DOCK11: variants seen among roughly 807,000 people sequenced by gnomAD.
DOCK11 encodes dedicator of cytokinesis 11.
A neutral mutation model predicts 169.1 loss-of-function variants in DOCK11; 70 were observed. The observed-to-expected ratio is 0.41, with a 90% confidence interval of 0.34 to 0.51. DOCK11 has a LOEUF of 0.51. DOCK11 is among the 20% of genes least tolerant of loss of function. The probability of loss-of-function intolerance (pLI) is 0.10; values close to 1 mark genes in which losing one functional copy is unlikely to be tolerated. For synonymous variants in DOCK11, 529 were observed against 541.3 expected, an observed-to-expected ratio of 0.98 and a Z score of 0.32; for missense variants, 1,166 against 1,538.8, an observed-to-expected ratio of 0.76 and a Z score of 4.05.
chrX:118,663,735 C>T (rs969316615), intron 45 of DOCK11, among the ~76,000 whole-genome samples: 6 of 92,815 alleles, frequency 6.5e-5, no homozygotes, highest in Non-Finnish European at 1.2e-4. Flanking sequence ...AGTGCAGTGG[C>T]GCAATCTTGG....
intron 1 of DOCK11, among the ~76,000 whole-genome samples, chrX:118,536,920 GAGAA>G (rs1160725394): frequency 9.0e-6 from 1 of 111,446 alleles, no homozygotes; most frequent in Non-Finnish European, 1.9e-5. Context: ...ATGCTCTCTA[GAGAA>G]AGCACTCTAG....
chrX:118,548,471 G>A (rs2042908803), intron 6 of DOCK11, among the ~76,000 whole-genome samples: 1 of 111,456 alleles, frequency 9.0e-6, no homozygotes, highest in Admixed American at 9.6e-5. Context: ...TATGCGGGTG[G>A]GCCCAGTGCA....
intron 1 of DOCK11, among the ~76,000 whole-genome samples, chrX:118,532,799 G>A (rs868205824): frequency 2.1e-4 from 18 of 84,825 alleles, no homozygotes; most frequent in Admixed American, 3.9e-4. Flanking sequence ...AAAAAAAAAA[G>A]AAGGTGTGCC....
chrX:118,675,227 G>A (rs181924292), intron 46 of DOCK11, among the ~76,000 whole-genome samples: 25 of 112,027 alleles, frequency 2.2e-4, no homozygotes, highest in Middle Eastern at 4.6e-3. Context: ...CATAAAAGCA[G>A]TCCTCACTGC....
chrX:118,603,795 TG>T (rs1424210633), intron 23 of DOCK11, among the ~76,000 whole-genome samples: 1 of 111,966 alleles, frequency 8.9e-6, no homozygotes, highest in Non-Finnish European at 1.9e-5. Context: ...GATTTGTACT[TG>T]CCTTGAAAGA....
intron 31 of DOCK11, among the ~76,000 whole-genome samples, chrX:118,623,309 T>C (rs768841234): frequency 3.5e-4 from 40 of 112,816 alleles, no homozygotes; most frequent in Admixed American, 9.3e-4. Context: ...ACTTATTCTT[T>C]GTAGCTCCAA....
chrX:118,549,938 T>C (rs2012435607), intron 6 of DOCK11, among the ~76,000 whole-genome samples: 1 of 111,579 alleles, frequency 9.0e-6, no homozygotes, highest in South Asian at 3.7e-4. Flanking sequence ...TTGGGAGCTG[T>C]TTCTGGTTAT....
At chrX:118,557,180 TAGAA>T (rs1214321438) in intron 6 of DOCK11, among the ~76,000 whole-genome samples, 1 of 111,751 alleles carries the variant, frequency 8.9e-6, no homozygotes, top group Non-Finnish European at 1.9e-5. Flanking sequence ...CTTCATGGGC[TAGAA>T]AGAGACGGCA....
intron 48 of DOCK11, among the ~76,000 whole-genome samples, chrX:118,677,845 A>T (rs1428951990): frequency 8.9e-6 from 1 of 112,286 alleles, no homozygotes. Flanking sequence ...TTGCAGCCAG[A>T]TAGTGTAAGA....
At chrX:118,683,327 A>T in intron 52 of DOCK11, 110 bp downstream of exon 52, 1 of 853,396 alleles carries the variant, frequency 1.2e-6, no homozygotes, top group Non-Finnish European at 1.6e-6. Flanking sequence ...TTAAGTCTAT[A>T]TTTTAAACTT....
chrX:118,497,163 C>T (rs952218566), intron 1 of DOCK11, among the ~76,000 whole-genome samples: 3 of 112,415 alleles, frequency 2.7e-5, no homozygotes, highest in African/African-American at 9.7e-5. Flanking sequence ...CATTTTACAG[C>T]GAGTCGTTTG....
At chrX:118,549,536 C>T (rs1438204541) in intron 6 of DOCK11, among the ~76,000 whole-genome samples, 1 of 111,318 alleles carries the variant, frequency 9.0e-6, no homozygotes. Context: ...AGCTACACAA[C>T]TTTTATGTTT....
At chrX:118,549,867 A>G (rs895383250) in intron 6 of DOCK11, among the ~76,000 whole-genome samples, 4 of 111,894 alleles carry the variant, frequency 3.6e-5, no homozygotes, top group African/African-American at 1.3e-4. Flanking sequence ...ATGCCTGGCT[A>G]CTACACAGCT....
At chrX:118,593,062 A>T in intron 19 of DOCK11, 152 bp from the exon 20 acceptor site, 2 of 496,527 alleles carry the variant, frequency 4.0e-6, no homozygotes, top group African/African-American at 2.4e-5. Flanking sequence ...CCAGAAAAGC[A>T]TTTGGAATAT....
At chrX:118,672,557 T>C (rs942392004) in intron 46 of DOCK11, among the ~76,000 whole-genome samples, 14 of 112,699 alleles carry the variant, frequency 1.2e-4, no homozygotes, top group South Asian at 3.6e-4. Context: ...TTCAGCCTCC[T>C]GAGTAGCTGG....
At position 118,565,710 on chromosome X, in the gene DOCK11, A is replaced by G. The variant is rs746713470; in HGVS notation, c.694-295A>G. Among the ~76,000 whole-genome samples the G allele has an allele frequency of 4.5e-5, 5 of 112,010 alleles. No homozygotes were observed. In the East Asian group the frequency reaches 1.4e-3, roughly 31 times the overall value. ...TTATGGTGGTACTTTGATTTTCTGA[A>G]TGTGAAGGATGCCAAAAGGCCTTAA... On this transcript the variant is annotated intron_variant, in intron 7 of 52. Transcript: ENST00000276202.
At chrX:118,526,674 GA>G (rs962611547) in intron 1 of DOCK11, among the ~76,000 whole-genome samples, 7 of 112,255 alleles carry the variant, frequency 6.2e-5, no homozygotes, top group African/African-American at 2.3e-4. Flanking sequence ...GAGGAAAGAG[GA>G]AAAGGCTCAT....
At chrX:118,648,084 TAA>T (rs2015821638) in intron 40 of DOCK11, among the ~76,000 whole-genome samples, 1 of 71,167 alleles carries the variant, frequency 1.4e-5, no homozygotes, top group Non-Finnish European at 2.4e-5. Context: ...ATATATAATA[TAA>T]ATTGTAATAT....
intron 10 of DOCK11, among the ~76,000 whole-genome samples, chrX:118,568,904 C>T (rs945440449): frequency 9.0e-6 from 1 of 110,705 alleles, no homozygotes; most frequent in African/African-American, 3.3e-5. Flanking sequence ...AATTTTTTGG[C>T]TTTCTTTTCC....
Sources: gnomAD v4.1 joint callset for allele counts (sites outside exome capture counted in the v4.1 genomes callset) on GRCh38, gnomAD v4.1.1 for gene constraint, MANE v1.5 for transcripts, NCBI Gene and HGNC (gene_info 2026-07-23, HGNC 2026-07-21) for gene names.